Variants in COP1 observed in about 807,000 individuals in gnomAD.
COP1 encodes COP1 E3 ubiquitin ligase.
A neutral mutation model predicts 101.3 loss-of-function variants in COP1; 24 were observed. That is an observed-to-expected ratio of 0.24 (90% CI 0.17 to 0.33). The LOEUF is 0.33. Ranked by LOEUF, COP1 falls within the 10% of genes least tolerant of loss-of-function variation. The pLI is 1.00. For missense variants in COP1, 663 were observed against 906.2 expected (o/e 0.73, Z 3.45); for synonymous variants, 347 against 341.9 (o/e 1.01, Z -0.17).
intron 9 of COP1, 34 bp downstream of exon 9, chr1:176,116,590 T>G: frequency 6.8e-7 from 1 of 1,465,898 alleles, no homozygotes; most frequent in Non-Finnish European, 9.5e-7. Flanking sequence ...ATTATACTCA[T>G]GGTATCATTA....
At chr1:176,096,317 G>A (rs1345804622) in intron 9 of COP1, among the ~76,000 whole-genome samples, 1 of 151,914 alleles carries the variant, frequency 6.6e-6, no homozygotes, top group Non-Finnish European at 1.5e-5. Flanking sequence ...TTATAATACT[G>A]GAGGTGGTCC....
At chr1:176,037,269 T>C (rs1669723250) in intron 14 of COP1, among the ~76,000 whole-genome samples, 1 of 151,834 alleles carries the variant, frequency 6.6e-6, no homozygotes, top group Non-Finnish European at 1.5e-5. Context: ...TAGCCAGGCA[T>C]GGTGGCGGGT....
chr1:176,026,145 C>T (rs893449727), intron 15 of COP1, among the ~76,000 whole-genome samples: 2 of 151,786 alleles, frequency 1.3e-5, no homozygotes, highest in South Asian at 2.1e-4. Flanking sequence ...TAGCAGATAG[C>T]GGAAGCATTT....
intron 11 of COP1, among the ~76,000 whole-genome samples, chr1:176,055,602 C>G (rs1319086634): frequency 6.6e-6 from 1 of 152,024 alleles, no homozygotes; most frequent in Non-Finnish European, 1.5e-5. Context: ...CAAACCAGAC[C>G]TCTCTCTACA....
Position 176,207,121 on chromosome 1 carries a change from G to GTTT in COP1, c.-146_-144dup. ...TGGGGCTGAGGAACAATAAAGTTGC[G>GTTT]TTTTTTTTTAAGGCAGCCACACAAC... On this transcript the variant is annotated 5_prime_UTR_variant, in exon 1 of 20. Transcript: ENST00000367669. 1 of 586,998 alleles carries GTTT rather than the reference G, an allele frequency of 1.7e-6. No homozygotes were observed. The highest frequency in any genetic ancestry group is 2.6e-6 in the Non-Finnish European group (1 of 384,940). The allele number at this position is 586,998 out of a possible 1,614,324, so 36.4% of individuals were successfully genotyped here.
At chr1:176,112,811 G>A (rs1257415276) in intron 9 of COP1, among the ~76,000 whole-genome samples, 1 of 152,058 alleles carries the variant, frequency 6.6e-6, no homozygotes, top group African/African-American at 2.4e-5. Context: ...AATATGTGAT[G>A]TTTGTTTGTC....
intron 15 of COP1, among the ~76,000 whole-genome samples, chr1:176,007,835 AG>A (rs1204578549): frequency 2.0e-5 from 3 of 152,236 alleles, no homozygotes; most frequent in Non-Finnish European, 2.9e-5. Flanking sequence ...GAGCCTACAG[AG>A]GCAGGCAGGC....
At chr1:176,055,699 C>T (rs1344744250) in intron 11 of COP1, among the ~76,000 whole-genome samples, 1 of 152,182 alleles carries the variant, frequency 6.6e-6, no homozygotes, top group Non-Finnish European at 1.5e-5. Context: ...GAATCCCCTG[C>T]CAAACATCTA....
At position 176,103,073 on chromosome 1, in the gene COP1, A is replaced by C. The variant is rs970901155; in HGVS notation, c.1026+13551T>G. On this transcript the variant is annotated intron_variant, in intron 9 of 19. Transcript: ENST00000367669. ...GCATGAATTACTCTTTCTCTATTGC[A>C]ATTCCAGTGTCTTGATAAATCAGCT... 2.0e-5 allele frequency among the ~76,000 whole-genome samples: 3 copies of C among 152,304 alleles called. No individual in the cohort carries two copies. The South Asian group carries it at 6.2e-4, about 32-fold the overall frequency.
chr1:176,206,569 C>T lies in COP1; in HGVS notation c.407+3G>A. 1 of 1,606,678 alleles carries T rather than the reference C, an allele frequency of 6.2e-7. No individual in the cohort carries two copies. The highest frequency in any genetic ancestry group is 8.5e-7 in the Non-Finnish European group (1 of 1,178,740). ...ACAAGGAGGGAGTGCTCTTCAAACC[C>T]ACCATACGAAGTCGTTGCTTTTGTC... is the stretch of plus-strand genomic sequence containing the variant. On this transcript the variant is annotated splice_donor_region_variant and intron_variant, in intron 1 of 19. Transcript: ENST00000367669.
intron 8 of COP1, among the ~76,000 whole-genome samples, chr1:176,120,434 TAA>T (rs377700975): frequency 8.0e-6 from 1 of 124,268 alleles, no homozygotes; most frequent in Non-Finnish European, 1.8e-5. Flanking sequence ...CTCCAAAAAA[TAA>T]AAAAAAAAAG....
At chr1:176,023,757 A>G (rs191660830) in intron 15 of COP1, among the ~76,000 whole-genome samples, 3 of 151,952 alleles carry the variant, frequency 2.0e-5, no homozygotes, top group East Asian at 1.9e-4. Flanking sequence ...AAAGAAAAGA[A>G]AAAGTAAACA....
rs185983978 is a variant in COP1, at chr1:176,027,376, T to C, written c.1729+196A>G. 1.7e-4 allele frequency among the ~76,000 whole-genome samples: 26 copies of C among 152,294 alleles called. No individual in the cohort carries two copies. In the East Asian group the frequency reaches 5.0e-3, roughly 29 times the overall value. On this transcript the variant is annotated intron_variant, in intron 15 of 19. Transcript: ENST00000367669. The stretch of plus-strand genomic sequence containing the variant: ...CAAATTCATATCTACGTATTAAAGA[T>C]AAGTGACAGAATAGTGCAATTAAGG...
intron 15 of COP1, among the ~76,000 whole-genome samples, chr1:176,004,041 T>C (rs1364697613): frequency 3.4e-5 from 5 of 146,726 alleles, no homozygotes; most frequent in African/African-American, 5.0e-5. Context: ...CAGTGGTTTG[T>C]AGTTCTCCTT....
intron 3 of COP1, among the ~76,000 whole-genome samples, chr1:176,168,207 A>G (rs1217359261): frequency 1.3e-5 from 2 of 151,534 alleles, no homozygotes; most frequent in Non-Finnish European, 2.9e-5. Context: ...ACCGGTGCGC[A>G]CCACCACACT....
intron 3 of COP1, 100 bp downstream of exon 3, chr1:176,175,810 C>G: frequency 1.6e-6 from 1 of 630,198 alleles, no homozygotes; most frequent in South Asian, 2.1e-5. Context: ...TAGAGAGAGA[C>G]TTGCTTACCA....
intron 15 of COP1, among the ~76,000 whole-genome samples, chr1:176,015,068 A>G (rs988895660): frequency 3.9e-5 from 6 of 152,106 alleles, no homozygotes; most frequent in African/African-American, 1.4e-4. Flanking sequence ...CTTTGAGGAG[A>G]TGATGTTTAA....
At chr1:176,059,063 C>G (rs1488701890) in intron 11 of COP1, among the ~76,000 whole-genome samples, 13 of 152,230 alleles carry the variant, frequency 8.5e-5, no homozygotes. Context: ...AGGGACCTTA[C>G]AGGTGGTTGC....
intron 15 of COP1, among the ~76,000 whole-genome samples, chr1:176,013,723 TTTA>T (rs1284260506): frequency 1.3e-5 from 2 of 152,202 alleles, no homozygotes; most frequent in Non-Finnish European, 2.9e-5. Context: ...AAAAGGACCT[TTTA>T]TAGCTGGTAT....
Sources: allele counts gnomAD v4.1 joint callset (sites outside exome capture counted in the v4.1 genomes callset), GRCh38; gene constraint gnomAD v4.1.1; transcripts MANE v1.5; gene names NCBI Gene and HGNC (gene_info 2026-07-23, HGNC 2026-07-21).